Variants in MLXIPL observed in about 807,000 individuals in gnomAD.
MLXIPL encodes the protein carbohydrate-responsive element-binding protein.
A neutral mutation model predicts 81.5 loss-of-function variants in MLXIPL; 49 were observed. The ratio of observed to expected loss-of-function variants is 0.60; its 90% CI spans 0.48 to 0.76. MLXIPL has a LOEUF of 0.76. Among genes scored for constraint, MLXIPL ranks in the 30% least tolerant of loss-of-function variants. MLXIPL has a pLI of 0.00. For synonymous variants in MLXIPL, 466 were observed against 485.5 expected, an observed-to-expected ratio of 0.96 and a Z score of 0.53; for missense variants, 1,053 against 1,167.0, an observed-to-expected ratio of 0.90 and a Z score of 1.42.
the MLXIPL span, among the ~76,000 whole-genome samples, chr7:73,638,048 C>T: frequency 6.6e-6 from 1 of 152,104 alleles, no homozygotes; most frequent in Non-Finnish European, 1.5e-5. Context: ...GCCCTGAGCT[C>T]CCCATGGCCA....
At chr7:73,606,390 C>T in intron 5 of MLXIPL, 1 of 509,114 alleles carries the variant, frequency 2.0e-6, no homozygotes. Flanking sequence ...TCTTTGGTCC[C>T]TCTGGTTTTT....
At chr7:73,614,010 GCT>G (rs1456686622) in intron 2 of MLXIPL, among the ~76,000 whole-genome samples, 1 of 152,144 alleles carries the variant, frequency 6.6e-6, no homozygotes, top group African/African-American at 2.4e-5. Flanking sequence ...TGTAATCCCA[GCT>G]ACTTGGTGCC....
At chr7:73,600,244 G>A (rs1174533694) in intron 7 of MLXIPL, among the ~76,000 whole-genome samples, 2 of 150,872 alleles carry the variant, frequency 1.3e-5, no homozygotes, top group Admixed American at 6.6e-5. Flanking sequence ...TAGGAGTGGG[G>A]TGAAGAGTGT....
chr7:73,647,500 C>T, the MLXIPL span, among the ~76,000 whole-genome samples: 3 of 152,192 alleles, frequency 2.0e-5, no homozygotes, highest in Admixed American at 1.3e-4. Context: ...CACGGGGCTT[C>T]CAGGACCCGT....
chr7:73,602,221 C>CTTTCT (rs782253619), intron 7 of MLXIPL, among the ~76,000 whole-genome samples: 26 of 132,644 alleles, frequency 2.0e-4, no homozygotes, highest in African/African-American at 3.6e-4. Context: ...CTCTTTCTTT[C>CTTTCT]TTTTTTTTTT....
chr7:73,637,172 AT>A, the MLXIPL span, among the ~76,000 whole-genome samples: 2 of 151,878 alleles, frequency 1.3e-5, no homozygotes, highest in East Asian at 1.9e-4. Context: ...GTCTATGTAG[AT>A]TGAAAATAAA....
upstream of MLXIPL, chr7:73,624,669 G>A (rs1796620304): frequency 5.6e-6 from 7 of 1,251,914 alleles, no homozygotes; most frequent in Non-Finnish European, 7.2e-6. Context: ...TGAGAACCCG[G>A]TGCTCTGGAG....
chr7:73,641,376 G>A, the MLXIPL span, among the ~76,000 whole-genome samples: 1 of 152,108 alleles, frequency 6.6e-6, no homozygotes, highest in East Asian at 1.9e-4. Flanking sequence ...CCTGTAACAT[G>A]GGAGGAATTC....
In MLXIPL at chr7:73,596,736, A is replaced by G; in HGVS notation, c.1725T>C (p.Pro575=). 1.3e-6 allele frequency: 2 copies of G among 1,594,836 alleles called. No homozygotes were observed. The highest frequency in any genetic ancestry group is 1.7e-6 in the Non-Finnish European group (2 of 1,171,912). The stretch of plus-strand genomic sequence containing the variant: ...GGCCTGGAGGTGGCCGGGGCGGTGT[A>G]GGGGCCGGGGTCGGGGGAAGGAATG... ...PCTFLPPTPA[P]TPPRPPPGPA... The change falls in exon 11 of 17, where the codon CCT becomes CCC. Residue 575 remains proline, a synonymous_variant. Coordinates refer to ENST00000313375, the MANE Select transcript of MLXIPL (RefSeq NM_032951.3). The surrounding 1 kb of genome is among the most constrained non-coding windows in gnomAD (Gnocchi z 4.7).
Position 73,596,853 on chromosome 7 carries a change from C to CTTA in MLXIPL, c.1671+11_1671+12insTAA, listed in dbSNP as rs1554594291. 4 of 1,610,634 alleles carry CTTA rather than the reference C, an allele frequency of 2.5e-6. No individual in the cohort carries two copies. The Admixed American group carries it at 6.7e-5, about 27-fold the overall frequency. ...TGGGCACAGCCCCACCGCCCAGTGC[C>CTTA]CGAGATCTTACCGGGGACCCTGGGG... On this transcript the variant is annotated intron_variant, in intron 10 of 16. Coordinates refer to ENST00000313375, the MANE Select transcript of MLXIPL (RefSeq NM_032951.3). This position sits in a 1 kb window ranked among gnomAD's most constrained non-coding sequence, Gnocchi z 4.7.
At chr7:73,621,449 C>T (rs1031227753) in intron 1 of MLXIPL, among the ~76,000 whole-genome samples, 2 of 151,812 alleles carry the variant, frequency 1.3e-5, no homozygotes, top group Non-Finnish European at 2.9e-5. Flanking sequence ...TGGTCAAGCT[C>T]GCTGTTCTTC....
At chr7:73,604,782 T>C (rs1554597395) in intron 7 of MLXIPL, among the ~76,000 whole-genome samples, 1 of 152,074 alleles carries the variant, frequency 6.6e-6, no homozygotes, top group African/African-American at 2.4e-5. Context: ...TTAATTTTTT[T>C]GAGACAGAGT....
the MLXIPL span, among the ~76,000 whole-genome samples, chr7:73,647,770 C>G: frequency 6.6e-6 from 1 of 151,864 alleles, no homozygotes; most frequent in Non-Finnish European, 1.5e-5. Context: ...GCTCCACGCC[C>G]TCACCTGGAA....
chr7:73,630,494 T>C, the MLXIPL span, among the ~76,000 whole-genome samples: 1 of 151,826 alleles, frequency 6.6e-6, no homozygotes, highest in Admixed American at 6.6e-5. Flanking sequence ...GATTTTGCCA[T>C]GTTGGCCAGG....
At chr7:73,612,817 C>T (rs1342925747) in intron 2 of MLXIPL, among the ~76,000 whole-genome samples, 1 of 152,070 alleles carries the variant, frequency 6.6e-6, no homozygotes, top group Non-Finnish European at 1.5e-5. Flanking sequence ...TTCTTCCCTT[C>T]ACTCAGCCGC....
chr7:73,606,411 G>GT, intron 5 of MLXIPL: 1 of 470,292 alleles, frequency 2.1e-6, no homozygotes, highest in Non-Finnish European at 3.7e-6. Context: ...TTTTTTGTTT[G>GT]TTTTCTTTTT....
Position 73,595,633 on chromosome 7 carries a change from A to T in MLXIPL, c.2310+4T>A. On this transcript the variant is annotated splice_donor_region_variant and intron_variant, in intron 15 of 16. Transcript: ENST00000313375. ...CCCCCAGCCATGGGCTTGAGGGAGGATACCACCCAGAACTTCCAGTTGTGC... is the reference window on the plus strand; with the variant it reads ...CCCCCAGCCATGGGCTTGAGGGAGGTTACCACCCAGAACTTCCAGTTGTGC... 1 of 1,614,106 alleles carries T rather than the reference A, an allele frequency of 6.2e-7. No individual in the cohort carries two copies. The highest frequency in any genetic ancestry group is 8.5e-7 in the Non-Finnish European group (1 of 1,180,008).
intron 7 of MLXIPL, among the ~76,000 whole-genome samples, chr7:73,600,090 G>A (rs1794665908): frequency 6.6e-6 from 1 of 151,894 alleles, no homozygotes; most frequent in Non-Finnish European, 1.5e-5. Context: ...GTGGAAAAGG[G>A]GTACGGTGCT....
upstream of MLXIPL, among the ~76,000 whole-genome samples, chr7:73,627,622 C>A (rs1204547956): frequency 6.6e-6 from 1 of 152,110 alleles, no homozygotes; most frequent in African/African-American, 2.4e-5. Context: ...CCCCTATATG[C>A]CTGTCTGGCT....
Sources: allele counts gnomAD v4.1 joint callset (sites outside exome capture counted in the v4.1 genomes callset), GRCh38; gene constraint gnomAD v4.1.1; non-coding constraint Gnocchi (gnomAD v3.1); transcripts MANE v1.5; gene names NCBI Gene and HGNC (gene_info 2026-07-23, HGNC 2026-07-21).